Variants in PPP1R21 observed in about 807,000 individuals in gnomAD.
PPP1R21 encodes protein phosphatase 1 regulatory subunit 21.
In PPP1R21, 85 loss-of-function variants were observed where a neutral mutation model predicts 112.8. The ratio of observed to expected loss-of-function variants is 0.75; its 90% confidence interval spans 0.63 to 0.90. PPP1R21 has a LOEUF of 0.90. PPP1R21 is among the 40% of genes least tolerant of loss of function. The pLI, the probability that PPP1R21 is intolerant of heterozygous loss-of-function variation, is 0.00. For missense variants in PPP1R21, 1,199 were observed against 901.5 expected, an observed-to-expected ratio of 1.33 and a Z score of -4.23; for synonymous variants, 381 against 322.3, an observed-to-expected ratio of 1.18 and a Z score of -1.95.
In PPP1R21 at chr2:48,444,617, C is replaced by G. The variant is rs149759421; in HGVS notation, c.57+3607C>G. The stretch of plus-strand genomic sequence containing the variant: ...AATTGTCTTTTCAATGTTTGTGTTA[C>G]CCTGGGTCAATGATTCTCAAAGTGT... On this transcript the variant is annotated intron_variant, in intron 1 of 21. Coordinates refer to ENST00000294952, the MANE Select transcript of PPP1R21 (RefSeq NM_001135629.3). 2.0e-4 allele frequency among the ~76,000 whole-genome samples: 31 copies of G among 152,282 alleles called. No individual in the cohort carries two copies. In the East Asian group the frequency reaches 3.1e-3, roughly 15 times the overall value.
At position 48,459,925 on chromosome 2, in the gene PPP1R21, C is replaced by A. The variant is rs1667902362; in HGVS notation, c.540+7C>A. ...CGACAAGGCTAAACTAGAAGTAAGCCCCATTGTGAGAGCACACTAAAAAAT... is the reference window on the plus strand; with the variant it reads ...CGACAAGGCTAAACTAGAAGTAAGCACCATTGTGAGAGCACACTAAAAAAT... On this transcript the variant is annotated splice_region_variant and intron_variant, in intron 5 of 21. Coordinates refer to ENST00000294952, the MANE Select transcript of PPP1R21 (RefSeq NM_001135629.3). 1.9e-6 allele frequency: 3 copies of A among 1,611,494 alleles called. No individual in the cohort carries two copies. Among genetic ancestry groups the A allele is most frequent in the South Asian group, 2.2e-5 (2 of 90,862 alleles).
At chr2:48,505,651 G>T in intron 18 of PPP1R21, 55 bp downstream of exon 18, 1 of 1,397,898 alleles carries the variant, frequency 7.2e-7, no homozygotes, top group Non-Finnish European at 9.9e-7. Context: ...CAGCATGTTT[G>T]TTGACAAAGT....
chr2:48,480,938 C>G (rs563819983), intron 13 of PPP1R21, among the ~76,000 whole-genome samples: 2 of 152,310 alleles, frequency 1.3e-5, no homozygotes, highest in South Asian at 2.1e-4. Context: ...CACCAGTTTA[C>G]CATTCAGTCT....
At chr2:48,444,539 G>C (rs1224605592) in intron 1 of PPP1R21, among the ~76,000 whole-genome samples, 1 of 152,180 alleles carries the variant, frequency 6.6e-6, no homozygotes, top group East Asian at 1.9e-4. Context: ...CTTTCTTTGC[G>C]GGAGCACTCT....
intron 7 of PPP1R21, among the ~76,000 whole-genome samples, chr2:48,461,799 G>T (rs1368787225): frequency 6.6e-6 from 1 of 151,552 alleles, no homozygotes; most frequent in Non-Finnish European, 1.5e-5. Context: ...CAAAAGCAAA[G>T]AAAATATTTG....
intron 18 of PPP1R21, among the ~76,000 whole-genome samples, chr2:48,506,380 C>A (rs959261856): frequency 6.6e-6 from 1 of 152,098 alleles, no homozygotes; most frequent in African/African-American, 2.4e-5. Flanking sequence ...AGGCGTGAGC[C>A]ACTGTGCCTG....
intron 16 of PPP1R21, among the ~76,000 whole-genome samples, chr2:48,497,622 A>G (rs1047812164): frequency 2.6e-5 from 4 of 152,112 alleles, no homozygotes; most frequent in African/African-American, 9.7e-5. Flanking sequence ...CAAAACTACA[A>G]AATTACTTTT....
chr2:48,493,308 C>G (rs375249666), intron 15 of PPP1R21, among the ~76,000 whole-genome samples: 1 of 152,014 alleles, frequency 6.6e-6, no homozygotes, highest in Admixed American at 6.6e-5. Context: ...CCCGGCCTTA[C>G]CTATTTTTAA....
intron 18 of PPP1R21, chr2:48,507,068 A>G (rs1015397050): frequency 6.2e-6 from 4 of 641,004 alleles, no homozygotes; most frequent in Non-Finnish European, 9.1e-6. Context: ...ATTCTGAAAT[A>G]GAAAGATGCT....
At chr2:48,444,743 CTG>C (rs1251588787) in intron 1 of PPP1R21, among the ~76,000 whole-genome samples, 1 of 152,188 alleles carries the variant, frequency 6.6e-6, no homozygotes, top group Admixed American at 6.5e-5. Context: ...ACCCAGCAAT[CTG>C]TGTTGTAACA....
At chr2:48,459,729 A>G (rs1312277652) in intron 4 of PPP1R21, 25 bp from the exon 5 acceptor site, 1 of 1,602,902 alleles carries the variant, frequency 6.2e-7, no homozygotes, top group Non-Finnish European at 8.5e-7. Context: ...TATTGTGAGA[A>G]GAGAAAATGG....
Position 48,498,599 on chromosome 2 carries a change from T to C in PPP1R21, c.1799T>C (p.Ile600Thr), listed in dbSNP as rs1669956702. 1.2e-6 allele frequency: 2 copies of C among 1,614,226 alleles called. No individual in the cohort carries two copies. Among genetic ancestry groups the C allele is most frequent in the Non-Finnish European group, 1.7e-6 (2 of 1,180,030 alleles). Residue 600 changes from isoleucine to threonine, a missense_variant, in exon 17 of 22, where the codon ATT becomes ACT. Physicochemically the swap from Ile to Thr is moderately conservative, Grantham distance 89. Transcript: ENST00000294952. ...AAGCTAGAGAAAGAAAACCAGCGAA[T>C]TGCAGATAAGCTGAAGAATACAGGT... is the stretch of plus-strand genomic sequence containing the variant. ...KIKLEKENQR[I>T]ADKLKNTGSA... is the part of the protein sequence containing the mutation.
At chr2:48,492,035 G>C (rs1362892639) in intron 15 of PPP1R21, among the ~76,000 whole-genome samples, 1 of 152,112 alleles carries the variant, frequency 6.6e-6, no homozygotes, top group Non-Finnish European at 1.5e-5. Context: ...TTAAGTTGTT[G>C]CCTGTTTTTC....
intron 13 of PPP1R21, among the ~76,000 whole-genome samples, chr2:48,484,401 A>G (rs1482540499): frequency 1.3e-5 from 2 of 152,228 alleles, no homozygotes; most frequent in Non-Finnish European, 2.9e-5. Context: ...ACATAAAAGG[A>G]AAAATAAATC....
intron 4 of PPP1R21, 149 bp from the exon 5 acceptor site, chr2:48,459,605 G>A (rs912856356): frequency 2.6e-6 from 2 of 780,558 alleles, no homozygotes; most frequent in South Asian, 2.1e-5. Context: ...TATCCTGTGA[G>A]GATTTAATGA....
intron 9 of PPP1R21, among the ~76,000 whole-genome samples, chr2:48,466,125 G>C (rs1668191832): frequency 6.6e-6 from 1 of 152,194 alleles, no homozygotes; most frequent in South Asian, 2.1e-4. Context: ...ATCTCCCACT[G>C]GGTCCCTCCC....
At position 48,474,796 on chromosome 2, in the gene PPP1R21, A is replaced by G. The variant is rs1487097040; in HGVS notation, c.1202A>G (p.Tyr401Cys). The G allele has an allele frequency of 4.3e-6, 7 of 1,613,564 alleles. No homozygotes were observed. The highest frequency in any genetic ancestry group is 4.5e-5 in the East Asian group (2 of 44,860). ...MTAVFEKLQT[Y>C]IALLALPSTE... Reference sequence around the variant, plus strand: ...GCTGTGTTTGAGAAGCTGCAGACTTACATAGCTCTTCTTGCCTTGCCAAGT... The same window carrying G: ...GCTGTGTTTGAGAAGCTGCAGACTTGCATAGCTCTTCTTGCCTTGCCAAGT... The change falls in exon 12 of 22, where the codon TAC becomes TGC. Residue 401 changes from tyrosine to cysteine, a missense_variant. Tyr to Cys is a radical substitution (Grantham distance 194). Transcript: ENST00000294952.
At chr2:48,451,454 C>T (rs966366135) in intron 2 of PPP1R21, among the ~76,000 whole-genome samples, 2 of 152,160 alleles carry the variant, frequency 1.3e-5, no homozygotes, top group African/African-American at 4.8e-5. Context: ...CAGCAGATGG[C>T]AGGTCTCTAA....
At chr2:48,469,289 GTGTGTGTATGTA>G (rs779753795) in intron 9 of PPP1R21, among the ~76,000 whole-genome samples, 5 of 66,638 alleles carry the variant, frequency 7.5e-5, no homozygotes, top group African/African-American at 2.4e-4. Context: ...GTGTGTGTGT[GTGTGTGTATGTA>G]TATATATACA....
Sources: gnomAD v4.1 joint callset for allele counts (sites outside exome capture counted in the v4.1 genomes callset) on GRCh38, gnomAD v4.1.1 for gene constraint, MANE v1.5 for transcripts, NCBI Gene and HGNC (gene_info 2026-07-23, HGNC 2026-07-21) for gene names.